The following UGT1A8 variants were observed in gnomAD, a reference collection of about 807,000 sequenced individuals.
UGT1A8 encodes the protein UDP-glucuronosyltransferase 1A8.
UGT1A8 carries 39 observed loss-of-function variants against 45.3 expected under a neutral mutation model. The ratio of observed to expected loss-of-function variants is 0.86; its 90% CI spans 0.67 to 1.12. The LOEUF (loss-of-function observed/expected upper bound fraction) is 1.12, where lower values mean the gene tolerates loss of function less well. UGT1A8 is among the 50% of genes most tolerant of loss of function. UGT1A8 has a pLI of 0.00. For synonymous variants in UGT1A8, 275 were observed against 249.2 expected (o/e 1.10, Z -0.97); for missense variants, 719 against 664.9 (o/e 1.08, Z -0.90).
In UGT1A8 at chr2:233,743,247, C is replaced by T. The variant is rs569147758; in HGVS notation, c.856-23787C>T. The T allele has an allele frequency of 9.0e-4, 388 of 431,248 alleles. 10 individuals are homozygous for T. The highest frequency in any genetic ancestry group is 7.4e-3 in the African/African-American group (352 of 47,686). 26.7% of individuals were successfully genotyped at this position (431,248 alleles called of 1,614,324 possible). ...CTATTTATTATGAAGGACTTTAACTCAACTCTCCATCTTCCTCCACTTCCA... is the reference window on the plus strand; with the variant it reads ...CTATTTATTATGAAGGACTTTAACTTAACTCTCCATCTTCCTCCACTTCCA... On this transcript the variant is annotated intron_variant, in intron 1 of 4. Transcript: ENST00000373450.
intron 1 of UGT1A8, among the ~76,000 whole-genome samples, chr2:233,666,648 T>A (rs1279202630): frequency 1.3e-5 from 2 of 152,164 alleles, no homozygotes; most frequent in African/African-American, 4.8e-5. Context: ...ATTTTTTTAT[T>A]TTTATTTTTT....
intron 1 of UGT1A8, among the ~76,000 whole-genome samples, chr2:233,653,394 A>T (rs1409923017): frequency 6.6e-6 from 1 of 152,200 alleles, no homozygotes; most frequent in African/African-American, 2.4e-5. Context: ...GATGAATCAT[A>T]TTCTTAAAGT....
chr2:233,729,091 G>C (rs745755811), intron 1 of UGT1A8: 70 of 1,612,484 alleles, frequency 4.3e-5, no homozygotes, highest in Non-Finnish European at 5.1e-5. Flanking sequence ...GGCACAGCGT[G>C]GGGTGGACAG....
intron 1 of UGT1A8, chr2:233,721,835 C>T: frequency 1.9e-6 from 1 of 516,042 alleles, no homozygotes; most frequent in South Asian, 1.4e-5. Context: ...GGCCACCGAC[C>T]TTGTGTCCAG....
chr2:233,622,688 CTG>C (rs1392788203), intron 1 of UGT1A8, among the ~76,000 whole-genome samples: 1 of 152,176 alleles, frequency 6.6e-6, no homozygotes. Context: ...CCTTTTCACT[CTG>C]ATGATAGTTT....
At chr2:233,644,742 G>A (rs1173543105) in intron 1 of UGT1A8, among the ~76,000 whole-genome samples, 1 of 151,774 alleles carries the variant, frequency 6.6e-6, no homozygotes, top group Non-Finnish European at 1.5e-5. Flanking sequence ...TGTGGGTTCA[G>A]GGGGTTGGGT....
intron 1 of UGT1A8, among the ~76,000 whole-genome samples, chr2:233,736,359 A>G (rs2078753406): frequency 6.6e-6 from 1 of 152,150 alleles, no homozygotes; most frequent in Admixed American, 6.5e-5. Flanking sequence ...TTTCAGCTCC[A>G]TCAGGTCATT....
At chr2:233,638,715 C>T (rs534152661) in intron 1 of UGT1A8, among the ~76,000 whole-genome samples, 1 of 152,248 alleles carries the variant, frequency 6.6e-6, no homozygotes, top group East Asian at 1.9e-4. Context: ...TGGTTTCTTA[C>T]AAGATTCAGT....
intron 1 of UGT1A8, among the ~76,000 whole-genome samples, chr2:233,635,816 C>G (rs192998241): frequency 6.6e-6 from 1 of 150,842 alleles, no homozygotes; most frequent in Non-Finnish European, 1.5e-5. Context: ...GCAGAGTGTT[C>G]GCACAAGGAC....
intron 1 of UGT1A8, chr2:233,755,031 C>T: frequency 7.6e-7 from 1 of 1,312,808 alleles, no homozygotes; most frequent in South Asian, 1.2e-5. Context: ...GAAGGGCCTG[C>T]CGCCTGCGCA....
chr2:233,749,114 A>G (rs113228961), intron 1 of UGT1A8, among the ~76,000 whole-genome samples: 3 of 151,858 alleles, frequency 2.0e-5, no homozygotes, highest in African/African-American at 7.3e-5. Flanking sequence ...CAGCCTTTTT[A>G]TGTCATATTC....
intron 1 of UGT1A8, chr2:233,713,873 C>A: frequency 1.2e-6 from 2 of 1,613,734 alleles, no homozygotes; most frequent in African/African-American, 1.3e-5. Flanking sequence ...GTATTGGTGC[C>A]TTTATCCAAT....
intron 1 of UGT1A8, among the ~76,000 whole-genome samples, chr2:233,650,261 T>C (rs1308218130): frequency 4.6e-5 from 7 of 152,210 alleles, no homozygotes; most frequent in Non-Finnish European, 1.0e-4. Context: ...TGAGCCACCG[T>C]ACCTGGCCAA....
chr2:233,698,631 C>T (rs913612995), intron 1 of UGT1A8, among the ~76,000 whole-genome samples: 7 of 152,176 alleles, frequency 4.6e-5, no homozygotes, highest in African/African-American at 1.4e-4. Flanking sequence ...TTTTGCCTAA[C>T]AGGTTAGTAA....
intron 1 of UGT1A8, among the ~76,000 whole-genome samples, chr2:233,759,628 CCTT>C (rs1265834229): frequency 8.9e-6 from 1 of 112,932 alleles, no homozygotes; most frequent in Admixed American, 1.4e-4. Context: ...CTGTTCATTT[CCTT>C]CTTAGCATGC....
intron 1 of UGT1A8, among the ~76,000 whole-genome samples, chr2:233,641,582 G>A (rs1559320990): frequency 6.6e-6 from 1 of 152,130 alleles, no homozygotes; most frequent in African/African-American, 2.4e-5. Flanking sequence ...GTATTTCTGT[G>A]TACTTACTAT....
chr2:233,657,453 G>C (rs2073879989), intron 1 of UGT1A8, among the ~76,000 whole-genome samples: 1 of 152,172 alleles, frequency 6.6e-6, no homozygotes, highest in South Asian at 2.1e-4. Flanking sequence ...AAAGAAGCAA[G>C]AGAAAAAGGA....
Position 233,656,539 on chromosome 2 carries a change from T to A in UGT1A8, c.855+37977T>A, listed in dbSNP as rs191482539. ...ACTCTGTGGCAGTTGGAACATAGTT[T>A]ATTCTTTAAGTGTAGGCGCCCATGA... On this transcript the variant is annotated intron_variant, in intron 1 of 4. Transcript: ENST00000373450. Among the ~76,000 whole-genome samples, 7 of 152,354 alleles carry A rather than the reference T, an allele frequency of 4.6e-5. No homozygotes were observed. The South Asian group carries it at 1.5e-3, about 32-fold the overall frequency.
chr2:233,653,704 C>T (rs578238928), intron 1 of UGT1A8, among the ~76,000 whole-genome samples: 38 of 152,324 alleles, frequency 2.5e-4, no homozygotes, highest in South Asian at 8.3e-4. Flanking sequence ...TCAAGCGATT[C>T]TCCTGCCTCA....
Sources: gnomAD v4.1 joint callset for allele counts (sites outside exome capture counted in the v4.1 genomes callset) on GRCh38, gnomAD v4.1.1 for gene constraint, MANE v1.5 for transcripts, NCBI Gene and HGNC (gene_info 2026-07-23, HGNC 2026-07-21) for gene names.